Variants in GNAQ observed in about 807,000 individuals in gnomAD.
The protein encoded by GNAQ is G protein subunit alpha q.
A neutral mutation model predicts 43.9 loss-of-function variants in GNAQ; 8 were observed. That is an observed-to-expected ratio of 0.18 (90% confidence interval 0.11 to 0.33). The LOEUF (loss-of-function observed/expected upper bound fraction) is 0.33, where lower values mean the gene tolerates loss of function less well. Ranked by LOEUF, GNAQ falls within the 10% of genes least tolerant of loss-of-function variation. The pLI is 1.00. For synonymous variants in GNAQ, 155 were observed against 170.7 expected, an observed-to-expected ratio of 0.91 and a Z score of 0.71; for missense variants, 158 against 450.8, an observed-to-expected ratio of 0.35 and a Z score of 5.88.
At chr9:77,729,563 A>C (rs1309260063) in intron 5 of GNAQ, among the ~76,000 whole-genome samples, 1 of 152,020 alleles carries the variant, frequency 6.6e-6, no homozygotes, top group Non-Finnish European at 1.5e-5. Flanking sequence ...GTCTCTCCTT[A>C]CCATTCTTTC....
At chr9:77,914,005 T>C (rs1484881525) in intron 2 of GNAQ, among the ~76,000 whole-genome samples, 1 of 152,152 alleles carries the variant, frequency 6.6e-6, no homozygotes, top group Non-Finnish European at 1.5e-5. Context: ...ATGTACATCC[T>C]AGAAAGGCAA....
At chr9:77,994,552 C>CATA (rs1431380551) in intron 1 of GNAQ, among the ~76,000 whole-genome samples, 1 of 152,100 alleles carries the variant, frequency 6.6e-6, no homozygotes, top group Non-Finnish European at 1.5e-5. Context: ...TTCCGGCAGC[C>CATA]ATATTAATTT....
At chr9:77,799,677 T>A (rs950813340) in intron 3 of GNAQ, among the ~76,000 whole-genome samples, 6 of 152,246 alleles carry the variant, frequency 3.9e-5, no homozygotes, top group African/African-American at 1.4e-4. Flanking sequence ...AAGAGTTAAG[T>A]CTGACTTTAA....
chr9:77,743,075 C>T (rs141565161), intron 5 of GNAQ, among the ~76,000 whole-genome samples: 2 of 152,198 alleles, frequency 1.3e-5, no homozygotes, highest in African/African-American at 4.8e-5. Context: ...CTGGCTAACA[C>T]GGTGAAACCC....
chr9:77,882,121 G>GAGCA (rs1828221942), intron 2 of GNAQ, among the ~76,000 whole-genome samples: 1 of 152,026 alleles, frequency 6.6e-6, no homozygotes, highest in African/African-American at 2.4e-5. Flanking sequence ...CCGGGAGACA[G>GAGCA]AGCAAGACTC....
chr9:77,735,292 T>C (rs1346277957), intron 5 of GNAQ, among the ~76,000 whole-genome samples: 2 of 152,230 alleles, frequency 1.3e-5, no homozygotes, highest in Admixed American at 1.3e-4. Context: ...TTAAAGGTCA[T>C]TATTACTTTT....
chr9:78,025,745 A>T (rs1450156058), intron 1 of GNAQ, among the ~76,000 whole-genome samples: 1 of 152,130 alleles, frequency 6.6e-6, no homozygotes, highest in Non-Finnish European at 1.5e-5. Context: ...TCCCTCTACA[A>T]CATCCAATCA....
chr9:77,937,934 C>G (rs777460526), intron 1 of GNAQ, among the ~76,000 whole-genome samples: 9 of 152,174 alleles, frequency 5.9e-5, no homozygotes, highest in Middle Eastern at 3.4e-3. Flanking sequence ...GATAGAAGAG[C>G]TTGCTGCTAA....
chr9:77,796,393 C>T (rs747776194), intron 4 of GNAQ, among the ~76,000 whole-genome samples: 2 of 152,246 alleles, frequency 1.3e-5, no homozygotes, highest in African/African-American at 4.8e-5. Flanking sequence ...ATGGGGTGGG[C>T]GCTCCTAGAA....
chr9:77,968,410 G>C (rs971429826), intron 1 of GNAQ, among the ~76,000 whole-genome samples: 12 of 152,144 alleles, frequency 7.9e-5, no homozygotes, highest in Non-Finnish European at 1.3e-4. Flanking sequence ...TTTCCTTTAA[G>C]TGTTTTCCAA....
intron 1 of GNAQ, among the ~76,000 whole-genome samples, chr9:78,028,327 T>C (rs896930946): frequency 6.6e-6 from 1 of 152,126 alleles, no homozygotes; most frequent in Non-Finnish European, 1.5e-5. Flanking sequence ...ATATAATATA[T>C]AAGCATACGG....
chr9:77,778,973 T>C (rs1447706991), intron 5 of GNAQ, among the ~76,000 whole-genome samples: 1 of 151,990 alleles, frequency 6.6e-6, no homozygotes, highest in East Asian at 1.9e-4. Context: ...CTATTACAGT[T>C]AGAAACTTCA....
At chr9:77,857,481 A>T (rs1827773589) in intron 2 of GNAQ, among the ~76,000 whole-genome samples, 1 of 142,060 alleles carries the variant, frequency 7.0e-6, no homozygotes, top group Admixed American at 7.0e-5. Context: ...GAAGGGAAAG[A>T]GAGGAAGAGA....
At chr9:77,846,168 A>C (rs1028119445) in intron 2 of GNAQ, among the ~76,000 whole-genome samples, 1 of 152,210 alleles carries the variant, frequency 6.6e-6, no homozygotes, top group Non-Finnish European at 1.5e-5. Context: ...ACATTGAAAT[A>C]GCTTCCAACA....
chr9:77,799,192 C>T (rs1826705279), intron 3 of GNAQ, among the ~76,000 whole-genome samples: 1 of 152,112 alleles, frequency 6.6e-6, no homozygotes, highest in Non-Finnish European at 1.5e-5. Context: ...CTTCAAAACA[C>T]ACAACTACAA....
chr9:77,970,849 G>A (rs576810463), intron 1 of GNAQ, among the ~76,000 whole-genome samples: 3 of 152,182 alleles, frequency 2.0e-5, no homozygotes, highest in African/African-American at 7.2e-5. Context: ...AATGAATCCA[G>A]GAGCTGGTTT....
At chr9:77,900,348 T>G (rs755528925) in intron 2 of GNAQ, among the ~76,000 whole-genome samples, 1 of 152,194 alleles carries the variant, frequency 6.6e-6, no homozygotes, top group Non-Finnish European at 1.5e-5. Context: ...AATAGAAGCT[T>G]ATTGCTAAAA....
intron 5 of GNAQ, among the ~76,000 whole-genome samples, chr9:77,753,853 C>T (rs928630527): frequency 6.6e-5 from 10 of 152,014 alleles, no homozygotes; most frequent in Non-Finnish European, 1.3e-4. Context: ...TTAAAAAGCT[C>T]ATAAGACAGT....
chr9:77,931,263 C>T (rs1328509674), intron 1 of GNAQ, among the ~76,000 whole-genome samples: 3 of 151,634 alleles, frequency 2.0e-5, no homozygotes, highest in Non-Finnish European at 4.4e-5. Context: ...GCATTTCCAT[C>T]CCTAAGCATT....
Sources: allele counts gnomAD v4.1 joint callset (sites outside exome capture counted in the v4.1 genomes callset), GRCh38; gene constraint gnomAD v4.1.1; transcripts MANE v1.5; gene names NCBI Gene and HGNC (gene_info 2026-07-23, HGNC 2026-07-21).